CEP112: variants seen among roughly 807,000 people sequenced by gnomAD.
CEP112 encodes the protein centrosomal protein of 112 kDa.
Under a neutral mutation model 153.0 loss-of-function variants are expected in CEP112, and 127 were observed. The observed-to-expected ratio is 0.83, with a 90% CI of 0.72 to 0.96. The LOEUF (loss-of-function observed/expected upper bound fraction) is 0.96, where lower values mean the gene tolerates loss of function less well. CEP112 is among the 40% of genes least tolerant of loss of function. The pLI is 0.00. For missense variants in CEP112, 1,089 were observed against 1,101.2 expected, an observed-to-expected ratio of 0.99 and a Z score of 0.16; for synonymous variants, 358 against 374.4, an observed-to-expected ratio of 0.96 and a Z score of 0.51.
intron 24 of CEP112, among the ~76,000 whole-genome samples, chr17:65,657,543 T>C (rs1040180920): frequency 1.3e-5 from 2 of 152,184 alleles, no homozygotes; most frequent in Admixed American, 6.5e-5. Context: ...TGAAAGCGTT[T>C]GGGGAAAACC....
At chr17:65,650,744 A>AT (rs1320203356) in intron 24 of CEP112, among the ~76,000 whole-genome samples, 32 of 150,456 alleles carry the variant, frequency 2.1e-4, no homozygotes, top group South Asian at 1.5e-3. Flanking sequence ...AAAAAAAAAA[A>AT]AAAAAAAAAA....
intron 17 of CEP112, among the ~76,000 whole-genome samples, chr17:65,996,024 G>A (rs925163027): frequency 6.6e-6 from 1 of 152,062 alleles, no homozygotes; most frequent in Non-Finnish European, 1.5e-5. Flanking sequence ...ACCCAGTCTT[G>A]GGTATGTCTT....
intron 18 of CEP112, among the ~76,000 whole-genome samples, chr17:65,941,918 G>T (rs191114728): frequency 8.6e-5 from 13 of 152,028 alleles, no homozygotes; most frequent in Non-Finnish European, 1.8e-4. Context: ...CAAGTAGCTG[G>T]GATTACAGAC....
chr17:65,962,482 T>C (rs1373287956), intron 17 of CEP112, among the ~76,000 whole-genome samples: 2 of 152,162 alleles, frequency 1.3e-5, no homozygotes, highest in Admixed American at 1.3e-4. Flanking sequence ...ACAAAAGGAA[T>C]CTTTGCATGT....
intron 19 of CEP112, among the ~76,000 whole-genome samples, chr17:65,919,492 C>T (rs1568228312): frequency 6.6e-6 from 1 of 152,192 alleles, no homozygotes; most frequent in South Asian, 2.1e-4. Context: ...AATATTCACA[C>T]TTCCATTTGA....
At position 65,808,086 on chromosome 17, in the gene CEP112, G is replaced by A. The variant is rs2055718493; in HGVS notation, c.2394+43718C>T. Among the ~76,000 whole-genome samples the A allele has an allele frequency of 2.0e-5, 3 of 152,246 alleles. No homozygotes were observed. The South Asian group carries it at 6.2e-4, about 31-fold the overall frequency. On this transcript the variant is annotated intron_variant, in intron 21 of 26. Coordinates refer to ENST00000535342, the MANE Select transcript of CEP112 (RefSeq NM_001199165.4). ...GGCAGAGCTGCCCAAGGCTGTGAGAGCCCACCCCTTGCATCAGCATGCCAT... is the reference window on the plus strand; with the variant it reads ...GGCAGAGCTGCCCAAGGCTGTGAGAACCCACCCCTTGCATCAGCATGCCAT...
rs550960826 is a variant in CEP112 at position 65,812,022 on chromosome 17, G to C, written c.2394+39782C>G. 5.4e-3 allele frequency among the ~76,000 whole-genome samples: 794 copies of C among 148,342 alleles called. 3 individuals are homozygous for C. Among genetic ancestry groups the C allele is most frequent in the African/African-American group, 0.019 (751 of 40,278 alleles). ...AAATACATTTTTTTTTCTTTTTTTT[G>C]AGATGGAGTCTCACTCCATTGCCCA... On this transcript the variant is annotated intron_variant, in intron 21 of 26. Coordinates refer to ENST00000535342, the MANE Select transcript of CEP112 (RefSeq NM_001199165.4).
intron 16 of CEP112, among the ~76,000 whole-genome samples, chr17:66,013,976 C>A (rs1008281497): frequency 6.6e-6 from 1 of 152,184 alleles, no homozygotes; most frequent in African/African-American, 2.4e-5. Flanking sequence ...GGCCACTGGC[C>A]TTCCTGAGTG....
chr17:65,825,468 G>A lies in CEP112; in HGVS notation c.2394+26336C>T, dbSNP rs374043707. On this transcript the variant is annotated intron_variant, in intron 21 of 26. Transcript: ENST00000535342. ...GACAGGTACGGGTCTGCAGCCCAGG[G>A]GCTGGGGACCCCTGCCCTAGAGCAT... Among the ~76,000 whole-genome samples, 152 of 152,250 alleles carry A rather than the reference G, an allele frequency of 1.0e-3. 2 individuals carry two copies. Among genetic ancestry groups the A allele is most frequent in the African/African-American group, 3.3e-3 (137 of 41,528 alleles).
chr17:66,119,518 T>C (rs1440065088), intron 6 of CEP112, among the ~76,000 whole-genome samples: 1 of 152,180 alleles, frequency 6.6e-6, no homozygotes, highest in African/African-American at 2.4e-5. Context: ...CAATATAATA[T>C]ATTTGAAATT....
intron 24 of CEP112, among the ~76,000 whole-genome samples, chr17:65,672,033 C>T (rs12051717): frequency 0.33 from 50,391 of 151,950 alleles, 8,571 homozygotes; most frequent in Middle Eastern, 0.5. Flanking sequence ...ATACAATTGC[C>T]TACTTAGAAA....
intron 8 of CEP112, among the ~76,000 whole-genome samples, chr17:66,088,935 T>A (rs1306166515): frequency 6.7e-6 from 1 of 149,466 alleles, no homozygotes; most frequent in Non-Finnish European, 1.5e-5. Context: ...TAGAACCAGG[T>A]CAGCCCTTGC....
At chr17:65,816,345 A>G (rs1385416620) in intron 21 of CEP112, among the ~76,000 whole-genome samples, 1 of 151,894 alleles carries the variant, frequency 6.6e-6, no homozygotes, top group Non-Finnish European at 1.5e-5. Flanking sequence ...TTACATGAAT[A>G]AGTTCTTTAG....
intron 12 of CEP112, among the ~76,000 whole-genome samples, chr17:66,048,430 C>G (rs1249427361): frequency 6.6e-6 from 1 of 152,058 alleles, no homozygotes; most frequent in African/African-American, 2.4e-5. Context: ...AAAAGTTATC[C>G]ACATAGAAAA....
At chr17:66,089,517 G>A (rs925221224) in intron 8 of CEP112, among the ~76,000 whole-genome samples, 13 of 152,040 alleles carry the variant, frequency 8.6e-5, no homozygotes, top group Admixed American at 6.6e-4. Flanking sequence ...TTCTGGAGCT[G>A]CAAAATATAA....
At chr17:65,652,799 A>G (rs1464383740) in intron 24 of CEP112, among the ~76,000 whole-genome samples, 1 of 152,248 alleles carries the variant, frequency 6.6e-6, no homozygotes, top group Non-Finnish European at 1.5e-5. Flanking sequence ...CAGGATACCA[A>G]CAATGGCTAG....
At chr17:65,826,213 A>G (rs777364871) in intron 21 of CEP112, 17 of 1,614,030 alleles carry the variant, frequency 1.1e-5, no homozygotes, top group African/African-American at 1.3e-5. Flanking sequence ...TCTTGGGGAC[A>G]TTACCATTCT....
In CEP112 at chr17:66,053,778, C is replaced by T. The variant is rs1420689190; in HGVS notation, c.1176G>A (p.Leu392=). The change falls in exon 12 of 27, where the codon CTG becomes CTA. Residue 392 remains leucine (L), a synonymous_variant. Transcript: ENST00000535342. ...QELLEDTNVR[L]NKMESEYMAQ... ...CCATGTATTCACTCTCCATTTTATT[C>T]AGACGCACATTTGTATCCTCAAGCA... The T allele has an allele frequency of 1.2e-6, 2 of 1,613,550 alleles. No individual in the cohort carries two copies. The highest frequency in any genetic ancestry group is 2.7e-5 in the African/African-American group (2 of 74,914).
chr17:66,136,923 A>T (rs560325858), intron 4 of CEP112, among the ~76,000 whole-genome samples: 1 of 152,180 alleles, frequency 6.6e-6, no homozygotes, highest in East Asian at 1.9e-4. Flanking sequence ...ATCCATAAAG[A>T]CTGGGAGAAG....
Sources: allele counts gnomAD v4.1 joint callset (sites outside exome capture counted in the v4.1 genomes callset), GRCh38; gene constraint gnomAD v4.1.1; transcripts MANE v1.5; gene names NCBI Gene and HGNC (gene_info 2026-07-23, HGNC 2026-07-21).